CISD1: variants seen among roughly 807,000 people sequenced by gnomAD.
CISD1 encodes CDGSH iron sulfur domain 1, also known as CDGSH iron-sulfur domain-containing protein 1.
Under a neutral mutation model 12.0 loss-of-function variants are expected in CISD1, and 8 were observed. That is an observed-to-expected ratio of 0.67 (90% confidence interval 0.39 to 1.20). The LOEUF (loss-of-function observed/expected upper bound fraction) is 1.20, where lower values mean the gene tolerates loss of function less well. Among genes scored for constraint, CISD1 ranks in the 50% most tolerant of loss-of-function variants. The pLI is 0.01. For synonymous variants in CISD1, 38 were observed against 42.2 expected, an observed-to-expected ratio of 0.90 and a Z score of 0.39; for missense variants, 107 against 132.7, an observed-to-expected ratio of 0.81 and a Z score of 0.95.
chr10:58,285,941 C>T (rs1436467910), intron 2 of CISD1, among the ~76,000 whole-genome samples: 1 of 152,052 alleles, frequency 6.6e-6, no homozygotes, highest in African/African-American at 2.4e-5. Context: ...CGCGGTGGCT[C>T]ACACCTGTAA....
At chr10:58,279,355 C>T (rs904198830) in intron 2 of CISD1, among the ~76,000 whole-genome samples, 13 of 152,002 alleles carry the variant, frequency 8.6e-5, no homozygotes, top group African/African-American at 2.7e-4. Flanking sequence ...TTTTGGATTT[C>T]AGATTTTCTT....
At chr10:58,278,169 G>A (rs1410873524) in intron 2 of CISD1, among the ~76,000 whole-genome samples, 1 of 152,136 alleles carries the variant, frequency 6.6e-6, no homozygotes, top group African/African-American at 2.4e-5. Context: ...TTTGTACACC[G>A]AATGACTTCA....
Position 58,269,321 on chromosome 10 carries a change from G to A in CISD1, c.31+17G>A. 2 of 1,606,108 alleles carry A rather than the reference G, an allele frequency of 1.2e-6. No homozygotes were observed. Among genetic ancestry groups the A allele is most frequent in the Non-Finnish European group, 1.7e-6 (2 of 1,178,862 alleles). ...GCGTACGAGGTGAAGTGGGGCCTGGGAGCGGGTGAGGCTGGTGAGGCTCAG... is the reference window on the plus strand; with the variant it reads ...GCGTACGAGGTGAAGTGGGGCCTGGAAGCGGGTGAGGCTGGTGAGGCTCAG... On this transcript the variant is annotated intron_variant, in intron 1 of 2. Coordinates refer to ENST00000333926, the MANE Select transcript of CISD1 (RefSeq NM_018464.5).
chr10:58,284,143 C>G (rs1839402605), intron 2 of CISD1, among the ~76,000 whole-genome samples: 1 of 151,966 alleles, frequency 6.6e-6, no homozygotes, highest in African/African-American at 2.4e-5. Context: ...GAGAATGTAA[C>G]AGCCAATGTA....
chr10:58,284,651 G>A lies in CISD1; in HGVS notation c.238-2910G>A, dbSNP rs990015302. ...GCAGAATTGGGTGATGAGAAAAAATGTATTCTCACTTTTGATATATGACTT... is the reference window on the plus strand; with the variant it reads ...GCAGAATTGGGTGATGAGAAAAAATATATTCTCACTTTTGATATATGACTT... On this transcript the variant is annotated intron_variant, in intron 2 of 2. Transcript: ENST00000333926. 5.9e-5 allele frequency among the ~76,000 whole-genome samples: 9 copies of A among 152,178 alleles called. No individual in the cohort carries two copies. The South Asian group carries it at 1.5e-3, about 25-fold the overall frequency.
rs115437659 is a variant in CISD1, at chr10:58,274,732, A to G, written c.32-2385A>G. 6.9e-3 allele frequency among the ~76,000 whole-genome samples: 1,045 copies of G among 152,040 alleles called. 9 individuals carry two copies. Among genetic ancestry groups the G allele is most frequent in the African/African-American group, 0.024 (981 of 41,464 alleles). On this transcript the variant is annotated intron_variant, in intron 1 of 2. Coordinates refer to ENST00000333926, the MANE Select transcript of CISD1 (RefSeq NM_018464.5). ...CTGGAGTCAGTTTCCATTTCTTTCA[A>G]TGATGCCTTTGGTGTTACCCCTTTT...
intron 2 of CISD1, among the ~76,000 whole-genome samples, chr10:58,281,902 C>T (rs951671561): frequency 9.2e-5 from 14 of 151,864 alleles, no homozygotes; most frequent in South Asian, 6.2e-4. Flanking sequence ...TCCCTTTTGT[C>T]CAGTGCTTCT....
In CISD1 at chr10:58,288,862, A is replaced by G. The variant is rs906856787; in HGVS notation, c.*1212A>G. On this transcript the variant is annotated 3_prime_UTR_variant, in exon 3 of 3. Coordinates refer to ENST00000333926, the MANE Select transcript of CISD1 (RefSeq NM_018464.5). ...GCAGGTAAACATCATCATTTATTTT[A>G]GTATACATGAATTCTCAGTAGTAGT... The G allele has an allele frequency of 1.3e-5, 2 of 152,292 alleles. No homozygotes were observed. Among genetic ancestry groups the G allele is most frequent in the African/African-American group, 2.4e-5 (1 of 41,464 alleles). 9.4% of individuals were successfully genotyped at this position (152,292 alleles called of 1,614,324 possible). A position where few individuals can be genotyped will look rare whatever the true frequency, so the allele number is the denominator to read the frequency against.
chr10:58,283,180 A>C (rs1426053116), intron 2 of CISD1: 1 of 152,078 alleles, frequency 6.6e-6, no homozygotes, highest in Non-Finnish European at 1.5e-5. Context: ...GAAAAAGAGA[A>C]ATCCTCCATC....
intron 2 of CISD1, among the ~76,000 whole-genome samples, chr10:58,280,727 T>C (rs1041934104): frequency 2.0e-5 from 3 of 152,126 alleles, no homozygotes; most frequent in African/African-American, 7.2e-5. Context: ...ACAAGAGCCA[T>C]TTAAGGAGAT....
chr10:58,283,169 G>A (rs1441065122), intron 2 of CISD1: 4 of 151,672 alleles, frequency 2.6e-5, no homozygotes, highest in African/African-American at 4.8e-5. Flanking sequence ...GGGTGTTGGG[G>A]GAAAAAGAGA....
Position 58,287,446 on chromosome 10 carries a change from A to G in CISD1, c.238-115A>G, listed in dbSNP as rs1429006163. 8 of 638,100 alleles carry G rather than the reference A, an allele frequency of 1.3e-5. No individual in the cohort carries two copies. In the Admixed American group the frequency reaches 1.3e-4, roughly 10 times the overall value. The allele number at this position is 638,100 out of a possible 1,614,324, so 39.5% of individuals were successfully genotyped here. A position where few individuals can be genotyped will look rare whatever the true frequency, so the allele number is the denominator to read the frequency against. On this transcript the variant is annotated intron_variant, in intron 2 of 2. Coordinates refer to ENST00000333926, the MANE Select transcript of CISD1 (RefSeq NM_018464.5). ...ACATATGCTGTTTAAGAAAGCCTAT[A>G]TAAGATAGCCAAGAAAATCTTTATG...
chr10:58,272,270 T>C (rs1839258554), intron 1 of CISD1, among the ~76,000 whole-genome samples: 1 of 149,672 alleles, frequency 6.7e-6, no homozygotes. Context: ...TTGAAAGGCA[T>C]CCCTTAACCT....
At chr10:58,275,769 TTAGATAAAGTC>T (rs1839308899) in intron 1 of CISD1, among the ~76,000 whole-genome samples, 1 of 152,054 alleles carries the variant, frequency 6.6e-6, no homozygotes. Context: ...CAGGAATAAG[TTAGATAAAGTC>T]TAAATTATTA....
chr10:58,280,457 A>G (rs566489501), intron 2 of CISD1, among the ~76,000 whole-genome samples: 16 of 152,360 alleles, frequency 1.1e-4, no homozygotes, highest in Non-Finnish European at 2.2e-4. Context: ...GGGTTATGCC[A>G]TTAACAGAAA....
At chr10:58,287,520 T>A in intron 2 of CISD1, 41 bp from the exon 3 acceptor site, 1 of 1,443,812 alleles carries the variant, frequency 6.9e-7, no homozygotes, top group South Asian at 1.2e-5. Context: ...TAATACTGAT[T>A]TTGAGATTAG....
intron 2 of CISD1, among the ~76,000 whole-genome samples, chr10:58,284,663 T>G (rs1455550517): frequency 6.6e-6 from 1 of 151,918 alleles, no homozygotes; most frequent in African/African-American, 2.4e-5. Context: ...ATTCTCACTT[T>G]TGATATATGA....
chr10:58,281,405 A>T (rs1184283926), intron 2 of CISD1, among the ~76,000 whole-genome samples: 3 of 151,948 alleles, frequency 2.0e-5, no homozygotes, highest in African/African-American at 4.8e-5. Flanking sequence ...CTGTTTAGTG[A>T]TCCTCTTTGT....
chr10:58,280,037 C>G (rs545388105), intron 2 of CISD1, among the ~76,000 whole-genome samples: 2 of 152,270 alleles, frequency 1.3e-5, no homozygotes, highest in South Asian at 4.1e-4. Flanking sequence ...TAGTCATATA[C>G]TTGGGAGTTA....
Sources: allele counts gnomAD v4.1 joint callset (sites outside exome capture counted in the v4.1 genomes callset), GRCh38; gene constraint gnomAD v4.1.1; transcripts MANE v1.5; gene names NCBI Gene and HGNC (gene_info 2026-07-23, HGNC 2026-07-21).